The following PHIP variants were observed in gnomAD, a reference collection of about 807,000 sequenced individuals.
The protein encoded by PHIP is PHIP subunit of CUL4-Ring ligase complex, also known as PH-interacting protein.
PHIP carries 54 observed loss-of-function variants against 236.8 expected under a neutral mutation model. The ratio of observed to expected loss-of-function variants is 0.23; its 90% CI spans 0.18 to 0.29. The LOEUF is 0.29. Ranked by LOEUF, PHIP falls within the 10% of genes least tolerant of loss-of-function variation. PHIP has a pLI of 1.00. For synonymous variants in PHIP, 756 were observed against 718.9 expected, an observed-to-expected ratio of 1.05 and a Z score of -0.83; for missense variants, 1,370 against 2,190.8, an observed-to-expected ratio of 0.63 and a Z score of 7.48.
intron 9 of PHIP, among the ~76,000 whole-genome samples, chr6:79,021,905 C>A (rs1330374284): frequency 1.3e-5 from 2 of 151,982 alleles, no homozygotes; most frequent in Non-Finnish European, 2.9e-5. Flanking sequence ...AGGATAAATG[C>A]TTAAAGGGAT....
chr6:78,990,542 C>CA (rs1216963656), intron 20 of PHIP, among the ~76,000 whole-genome samples: 1 of 151,836 alleles, frequency 6.6e-6, no homozygotes, highest in Non-Finnish European at 1.5e-5. Flanking sequence ...AAAAACATAA[C>CA]AAAATGCTAT....
rs1389719985 is a variant in PHIP, at chr6:78,941,059, A to T, written c.5100T>A (p.Asn1700Lys). The T allele has an allele frequency of 6.2e-7, 1 of 1,613,812 alleles. No homozygotes were observed. The highest frequency in any genetic ancestry group is 1.3e-5 in the African/African-American group (1 of 74,858). ...TTTTCTGTAACAAATCTTCCTTTAC[A>T]TTATTAGTTTCAGAAAGAAAATTGC... ...STCNFLSETN[N>K]VKEDLLQKKN... The change falls in exon 40 of 40, where the codon AAT becomes AAA. Residue 1700 changes from asparagine to lysine, a missense_variant. Physicochemically the swap from Asn to Lys is moderately conservative, Grantham distance 94 (BLOSUM62 0). This residue lies in a region of PHIP where 309 missense variants were observed against 328.3 expected (regional missense o/e 0.94). Coordinates refer to ENST00000275034, the MANE Select transcript of PHIP (RefSeq NM_017934.7).
chr6:78,955,193 T>G (rs750886167), intron 34 of PHIP, 39 bp downstream of exon 34: 4 of 1,384,998 alleles, frequency 2.9e-6, no homozygotes, highest in Non-Finnish European at 4.0e-6. Flanking sequence ...ACATTTTAAT[T>G]CATATAAAGT....
chr6:78,940,690 A>C lies in PHIP; in HGVS notation c.*3T>G. 2 of 1,596,132 alleles carry C rather than the reference A, an allele frequency of 1.3e-6. No homozygotes were observed. Among genetic ancestry groups the C allele is most frequent in the Non-Finnish European group, 1.7e-6 (2 of 1,167,934 alleles). On this transcript the variant is annotated 3_prime_UTR_variant, in exon 40 of 40. Transcript: ENST00000275034. Reference sequence around the variant, plus strand: ...ATTTTGAAGTAAAATATTTTGGTACAAGTTACCAACCAATTAAATTAGCTT... The same window carrying C: ...ATTTTGAAGTAAAATATTTTGGTACCAGTTACCAACCAATTAAATTAGCTT...
Position 79,025,613 on chromosome 6 carries a change from G to T in PHIP, c.829C>A (p.Pro277Thr). 2 of 1,591,344 alleles carry T rather than the reference G, an allele frequency of 1.3e-6. No individual in the cohort carries two copies. Among genetic ancestry groups the T allele is most frequent in the Non-Finnish European group, 1.7e-6 (2 of 1,161,476 alleles). ...TATCTCTTTGAGCCACTGCACAATG[G>T]TGAGAACTGAAAAGACAATCACAGA... ...SASITSLQFSPLCSGSKRYLS... is the reference protein window; with the variant it reads ...SASITSLQFSTLCSGSKRYLS... Residue 277 changes from proline (P) to threonine (T), a missense_variant, in exon 9 of 40, where the codon CCA becomes ACA. Pro to Thr is a conservative substitution (Grantham distance 38, BLOSUM62 -1). Coordinates refer to ENST00000275034, the MANE Select transcript of PHIP (RefSeq NM_017934.7).
chr6:79,063,347 T>A (rs1261317425), intron 4 of PHIP, among the ~76,000 whole-genome samples: 1 of 152,240 alleles, frequency 6.6e-6, no homozygotes, highest in Non-Finnish European at 1.5e-5. Context: ...TTAGCACCTA[T>A]CCCAGCACAT....
chr6:78,974,233 C>T (rs1017724819), intron 24 of PHIP, among the ~76,000 whole-genome samples: 8 of 152,020 alleles, frequency 5.3e-5, no homozygotes, highest in Admixed American at 1.3e-4. Context: ...CACTCAAAAC[C>T]GCTCAACTAC....
intron 24 of PHIP, among the ~76,000 whole-genome samples, chr6:78,977,764 G>A (rs1582154423): frequency 6.6e-6 from 1 of 152,294 alleles, no homozygotes; most frequent in East Asian, 1.9e-4. Context: ...ATGTGGTAAT[G>A]TTCTGTGCTC....
chr6:79,063,434 T>A (rs531111378), intron 4 of PHIP, among the ~76,000 whole-genome samples: 1 of 152,226 alleles, frequency 6.6e-6, no homozygotes, highest in Non-Finnish European at 1.5e-5. Context: ...TTGTTTGTTT[T>A]GAGACGGAGT....
chr6:79,054,163 T>G (rs1167469732), intron 6 of PHIP, among the ~76,000 whole-genome samples: 2 of 150,748 alleles, frequency 1.3e-5, no homozygotes, highest in East Asian at 3.9e-4. Context: ...ACAGCTAACC[T>G]GTTTTTAAGA....
chr6:78,978,585 A>T lies in PHIP; in HGVS notation c.2889+7T>A. 6.4e-7 allele frequency: 1 copy of T among 1,570,074 alleles called. No individual in the cohort carries two copies. Among genetic ancestry groups the T allele is most frequent in the Non-Finnish European group, 8.7e-7 (1 of 1,152,200 alleles). ...GAAAAATGGATAATTTAAAACTTTT[A>T]AAGTACCTCATCACCCATCTGTGGC... On this transcript the variant is annotated splice_region_variant and intron_variant, in intron 24 of 39. Coordinates refer to ENST00000275034, the MANE Select transcript of PHIP (RefSeq NM_017934.7).
At position 79,033,727 on chromosome 6, in the gene PHIP, T is replaced by C. The variant is rs567960233; in HGVS notation, c.601-7563A>G. 2.0e-4 allele frequency among the ~76,000 whole-genome samples: 31 copies of C among 152,342 alleles called. No individual in the cohort carries two copies. The South Asian group carries it at 6.4e-3, about 32-fold the overall frequency. Reference sequence around the variant, plus strand: ...CTCTTTAACTTTCTCATCATTTGTGTGCTCACTGGAGTAGCACGTTTAATT... The same window carrying C: ...CTCTTTAACTTTCTCATCATTTGTGCGCTCACTGGAGTAGCACGTTTAATT... On this transcript the variant is annotated intron_variant, in intron 7 of 39. Transcript: ENST00000275034.
At chr6:78,989,763 A>T (rs988912789) in intron 20 of PHIP, among the ~76,000 whole-genome samples, 1 of 152,186 alleles carries the variant, frequency 6.6e-6, no homozygotes, top group African/African-American at 2.4e-5. Flanking sequence ...TTCCATCCAT[A>T]AAGGTAGTAG....
Position 78,946,212 on chromosome 6 carries a change from G to A in PHIP, c.4419C>T (p.Ser1473=). Residue 1473 remains serine, a synonymous_variant, in exon 38 of 40, where the codon AGC becomes AGT. Coordinates refer to ENST00000275034, the MANE Select transcript of PHIP (RefSeq NM_017934.7). ...RILKPQLKSE[S]STSAFSTPTR... ...TAGGTGTAGAGAATGCAGAGGTAGA[G>A]CTTTCTGATTTTAGCTGGGGTTTTA... 6.2e-7 allele frequency: 1 copy of A among 1,613,406 alleles called. No homozygotes were observed. Among genetic ancestry groups the A allele is most frequent in the Non-Finnish European group, 8.5e-7 (1 of 1,179,412 alleles).
chr6:78,959,337 T>C (rs1042140781), intron 31 of PHIP, among the ~76,000 whole-genome samples: 25 of 152,116 alleles, frequency 1.6e-4, no homozygotes, highest in African/African-American at 5.6e-4. Flanking sequence ...TATCTAATTG[T>C]GGACATAGAA....
chr6:78,978,944 G>A (rs1209409272), intron 23 of PHIP, among the ~76,000 whole-genome samples: 1 of 152,074 alleles, frequency 6.6e-6, no homozygotes, highest in Non-Finnish European at 1.5e-5. Context: ...GGCAAAACTT[G>A]AATTTGCTAC....
At position 78,946,770 on chromosome 6, in the gene PHIP, TATGGTATTTCTTTTATG is replaced by T. The variant is rs1184298128; in HGVS notation, c.4294_4310del (p.His1432AsnfsTer16). On this transcript the variant is annotated frameshift_variant, in exon 37 of 40. Coordinates refer to ENST00000275034, the MANE Select transcript of PHIP (RefSeq NM_017934.7). LOFTEE classifies it high-confidence loss of function. The stretch of plus-strand genomic sequence containing the variant: ...TGTTTCTTTTCTTCCTCCTTTTGGT[TATGGTATTTCTTTTATG>T]AAAACGAAGAGCAGATTTATAATCT... 1 of 1,592,684 alleles carries T rather than the reference TATGGTATTTCTTTTATG, an allele frequency of 6.3e-7. No homozygotes were observed. The highest frequency in any genetic ancestry group is 8.5e-7 in the Non-Finnish European group (1 of 1,171,968).
intron 7 of PHIP, among the ~76,000 whole-genome samples, chr6:79,036,359 C>T (rs1197146385): frequency 6.6e-6 from 1 of 152,098 alleles, no homozygotes; most frequent in Non-Finnish European, 1.5e-5. Flanking sequence ...TAGTTTCTTC[C>T]TCTCAATCCA....
chr6:78,977,772 CTCT>C (rs1348661828), intron 24 of PHIP, among the ~76,000 whole-genome samples: 11 of 152,274 alleles, frequency 7.2e-5, no homozygotes, highest in African/African-American at 1.7e-4. Context: ...ATGTTCTGTG[CTCT>C]TCAAGTCGTA....
Sources: gnomAD v4.1 joint callset for allele counts (sites outside exome capture counted in the v4.1 genomes callset) on GRCh38, gnomAD v4.1.1 for gene constraint, gnomAD v4.1.1 regional missense constraint, MANE v1.5 for transcripts, NCBI Gene and HGNC (gene_info 2026-07-23, HGNC 2026-07-21) for gene names.